GRM3: variants seen among roughly 807,000 people sequenced by gnomAD.
GRM3 encodes glutamate metabotropic receptor 3.
In GRM3, 26 loss-of-function variants were observed where a neutral mutation model predicts 70.5. The ratio of observed to expected loss-of-function variants is 0.37; its 90% CI spans 0.27 to 0.51. The LOEUF is 0.51. GRM3 is among the 20% of genes least tolerant of loss of function. GRM3 has a pLI of 0.93. For missense variants in GRM3, 859 were observed against 1,123.8 expected, an observed-to-expected ratio of 0.76 and a Z score of 3.37; for synonymous variants, 443 against 434.9, an observed-to-expected ratio of 1.02 and a Z score of -0.23.
intron 1 of GRM3, among the ~76,000 whole-genome samples, chr7:86,697,332 A>C (rs1251910845): frequency 6.6e-6 from 1 of 152,076 alleles, no homozygotes; most frequent in African/African-American, 2.4e-5. Context: ...GTTTGTACAC[A>C]GAATCAGTGA....
Position 86,864,453 on chromosome 7 carries a change from A to G in GRM3, c.*98A>G. On this transcript the variant is annotated 3_prime_UTR_variant, in exon 6 of 6. Coordinates refer to ENST00000361669, the MANE Select transcript of GRM3 (RefSeq NM_000840.3). ...GGAAACAGAGCAAAAGAACAACCCTAGTACCTTTTTTTAGAAACAGTACGA... is the reference window on the plus strand; with the variant it reads ...GGAAACAGAGCAAAAGAACAACCCTGGTACCTTTTTTTAGAAACAGTACGA... The G allele has an allele frequency of 1.2e-6, 1 of 857,658 alleles. No homozygotes were observed. 53.1% of individuals were successfully genotyped at this position (857,658 alleles called of 1,614,324 possible).
intron 3 of GRM3, among the ~76,000 whole-genome samples, chr7:86,815,106 C>T (rs548873445): frequency 9.2e-4 from 139 of 151,560 alleles, no homozygotes; most frequent in African/African-American, 3.2e-3. Context: ...TCACCCTGAA[C>T]ATGGCAGGTT....
intron 1 of GRM3, among the ~76,000 whole-genome samples, chr7:86,651,938 A>G (rs1793615824): frequency 6.6e-6 from 1 of 152,224 alleles, no homozygotes; most frequent in South Asian, 2.1e-4. Flanking sequence ...AAGAACATAT[A>G]GTTCTAGAAC....
At chr7:86,654,811 C>T (rs559084637) in intron 1 of GRM3, among the ~76,000 whole-genome samples, 2 of 152,166 alleles carry the variant, frequency 1.3e-5, no homozygotes, top group Admixed American at 6.5e-5. Context: ...TTAATGAGTG[C>T]CTACTGTGTG....
chr7:86,738,054 C>T (rs780442370), intron 1 of GRM3, among the ~76,000 whole-genome samples: 4 of 152,098 alleles, frequency 2.6e-5, no homozygotes, highest in Non-Finnish European at 5.9e-5. Flanking sequence ...GCAGTGTGGA[C>T]GCACAGTTAC....
chr7:86,699,345 G>T (rs757592362), intron 1 of GRM3, among the ~76,000 whole-genome samples: 1 of 152,052 alleles, frequency 6.6e-6, no homozygotes, highest in Non-Finnish European at 1.5e-5. Flanking sequence ...TCCAGATGCA[G>T]AATCTGGATG....
chr7:86,824,233 T>C (rs1211646777), intron 3 of GRM3, among the ~76,000 whole-genome samples: 2 of 152,160 alleles, frequency 1.3e-5, no homozygotes, highest in Non-Finnish European at 2.9e-5. Context: ...GAAAATAAGA[T>C]GGTGGGAAAA....
At chr7:86,720,204 G>A (rs1369119802) in intron 1 of GRM3, among the ~76,000 whole-genome samples, 4 of 151,874 alleles carry the variant, frequency 2.6e-5, no homozygotes, top group African/African-American at 9.7e-5. Context: ...TGAATGTGAG[G>A]GATAAAGAAA....
At chr7:86,760,593 TG>T (rs1796454987) in intron 1 of GRM3, among the ~76,000 whole-genome samples, 1 of 152,092 alleles carries the variant, frequency 6.6e-6, no homozygotes, top group African/African-American at 2.4e-5. Flanking sequence ...TCCGATAAAC[TG>T]TTACACAGAG....
intron 1 of GRM3, among the ~76,000 whole-genome samples, chr7:86,743,775 G>C (rs1267850258): frequency 6.6e-6 from 1 of 152,114 alleles, no homozygotes; most frequent in Non-Finnish European, 1.5e-5. Context: ...AGATCTCTGT[G>C]GGCTAGAAAA....
Position 86,654,421 on chromosome 7 carries a change from C to T in GRM3, c.-141+9549C>T, listed in dbSNP as rs559157222. 8.0e-4 allele frequency among the ~76,000 whole-genome samples: 122 copies of T among 152,296 alleles called. No individual in the cohort carries two copies. The Middle Eastern group carries it at 0.02, about 25-fold the overall frequency. ...AAAGTTACACCGTGTCTCAGCAGAG[C>T]CTGGCTTTCTTGACCGTTCTGATGG... On this transcript the variant is annotated intron_variant, in intron 1 of 5. Coordinates refer to ENST00000361669, the MANE Select transcript of GRM3 (RefSeq NM_000840.3).
chr7:86,698,311 C>G (rs1403409031), intron 1 of GRM3, among the ~76,000 whole-genome samples: 2 of 151,758 alleles, frequency 1.3e-5, no homozygotes, highest in African/African-American at 4.8e-5. Flanking sequence ...CTCAAAGAAC[C>G]CTTTCAGAGA....
intron 1 of GRM3, among the ~76,000 whole-genome samples, chr7:86,672,612 T>G (rs973293747): frequency 6.6e-6 from 1 of 152,108 alleles, no homozygotes; most frequent in Admixed American, 6.6e-5. Context: ...TTGTTTTTTT[T>G]TTCAGGAGAC....
intron 1 of GRM3, among the ~76,000 whole-genome samples, chr7:86,699,844 G>A (rs899459528): frequency 6.6e-6 from 1 of 151,878 alleles, no homozygotes; most frequent in African/African-American, 2.4e-5. Context: ...GGAAATAAAA[G>A]GTCACACTTG....
intron 5 of GRM3, among the ~76,000 whole-genome samples, chr7:86,859,075 C>T (rs112986713): frequency 6.6e-6 from 1 of 152,102 alleles, no homozygotes; most frequent in South Asian, 2.1e-4. Flanking sequence ...TCGAACTCCT[C>T]GGCTCAAGTC....
intron 5 of GRM3, among the ~76,000 whole-genome samples, chr7:86,863,758 C>CCA (rs1799004411): frequency 1.3e-5 from 2 of 152,130 alleles, no homozygotes; most frequent in Non-Finnish European, 2.9e-5. Context: ...ATAAAAATTG[C>CCA]AGTGAGCTTT....
At chr7:86,668,921 G>C (rs1302352369) in intron 1 of GRM3, among the ~76,000 whole-genome samples, 1 of 152,126 alleles carries the variant, frequency 6.6e-6, no homozygotes, top group Non-Finnish European at 1.5e-5. Flanking sequence ...CAGAGAATAA[G>C]CTCCTGCTAG....
chr7:86,719,062 C>G (rs994592696), intron 1 of GRM3, among the ~76,000 whole-genome samples: 2 of 151,634 alleles, frequency 1.3e-5, no homozygotes, highest in African/African-American at 2.4e-5. Context: ...TTGGACTGAC[C>G]AAGGAAAACA....
intron 1 of GRM3, among the ~76,000 whole-genome samples, chr7:86,696,127 G>C (rs1038152518): frequency 6.6e-6 from 1 of 152,166 alleles, no homozygotes; most frequent in Admixed American, 6.5e-5. Flanking sequence ...GCACCAAAGT[G>C]CTCAGTCTGT....
Sources: allele counts gnomAD v4.1 joint callset (sites outside exome capture counted in the v4.1 genomes callset), GRCh38; gene constraint gnomAD v4.1.1; transcripts MANE v1.5; gene names NCBI Gene and HGNC (gene_info 2026-07-23, HGNC 2026-07-21).